Variants in GRIP1 observed in about 807,000 individuals in gnomAD.
GRIP1 encodes glutamate receptor interacting protein 1, also known as glutamate receptor-interacting protein 1.
In GRIP1, 45 loss-of-function variants were observed where a neutral mutation model predicts 129.9. The observed-to-expected ratio is 0.35, with a 90% CI of 0.27 to 0.44. The LOEUF is 0.44. Among genes scored for constraint, GRIP1 ranks in the 20% least tolerant of loss-of-function variants. The pLI is 1.00. For missense variants in GRIP1, 1,196 were observed against 1,396.8 expected, an observed-to-expected ratio of 0.86 and a Z score of 2.29; for synonymous variants, 530 against 520.8, an observed-to-expected ratio of 1.02 and a Z score of -0.24.
intron 1 of GRIP1, among the ~76,000 whole-genome samples, chr12:66,838,957 A>G (rs2039666463): frequency 6.6e-6 from 1 of 152,198 alleles, no homozygotes; most frequent in African/African-American, 2.4e-5. Flanking sequence ...AGAAACAATG[A>G]GCTGCCTTGA....
intron 1 of GRIP1, among the ~76,000 whole-genome samples, chr12:66,984,258 C>A (rs564081821): frequency 5.3e-5 from 8 of 152,228 alleles, no homozygotes; most frequent in African/African-American, 1.9e-4. Context: ...CTTCCCTGAC[C>A]CCACTGATTA....
At position 66,958,902 on chromosome 12, in the gene GRIP1, T is replaced by C. The variant is rs1322597929; in HGVS notation, c.58+110148A>G. On this transcript the variant is annotated intron_variant, in intron 1 of 1. Transcript: ENST00000643019. Reference sequence around the variant, plus strand: ...CAGAGTCCCATCCGCAGAGAATGAGTGCCCAGTACCCCACACACTCTCCAG... The same window carrying C: ...CAGAGTCCCATCCGCAGAGAATGAGCGCCCAGTACCCCACACACTCTCCAG... Among the ~76,000 whole-genome samples the C allele has an allele frequency of 3.3e-5, 5 of 152,144 alleles. No individual in the cohort carries two copies. In the East Asian group the frequency reaches 7.7e-4, roughly 23 times the overall value.
intron 1 of GRIP1, among the ~76,000 whole-genome samples, chr12:67,032,349 G>C (rs547737708): frequency 6.6e-6 from 1 of 152,220 alleles, no homozygotes; most frequent in Admixed American, 6.5e-5. Flanking sequence ...AAAATGCCTA[G>C]GAAAATCTAT....
intron 1 of GRIP1, among the ~76,000 whole-genome samples, chr12:66,819,791 G>A (rs577263195): frequency 6.6e-6 from 1 of 152,276 alleles, no homozygotes; most frequent in East Asian, 1.9e-4. Context: ...GAACCCATCA[G>A]AGATGTGATA....
At chr12:66,899,708 G>A (rs958205857) in intron 1 of GRIP1, among the ~76,000 whole-genome samples, 4 of 152,138 alleles carry the variant, frequency 2.6e-5, no homozygotes, top group Non-Finnish European at 4.4e-5. Context: ...TTGCTATGGG[G>A]TAGATACTAG....
At chr12:66,763,179 G>A (rs947987169) in intron 1 of GRIP1, among the ~76,000 whole-genome samples, 1 of 152,158 alleles carries the variant, frequency 6.6e-6, no homozygotes, top group Non-Finnish European at 1.5e-5. Flanking sequence ...CTTAAAGCAA[G>A]GACCTGGTGC....
intron 1 of GRIP1, among the ~76,000 whole-genome samples, chr12:66,615,331 AC>A (rs900597743): frequency 3.3e-5 from 5 of 152,212 alleles, no homozygotes; most frequent in Admixed American, 3.3e-4. Flanking sequence ...TTATAGTGCA[AC>A]CCTCTTTTTT....
intron 1 of GRIP1, among the ~76,000 whole-genome samples, chr12:66,712,381 G>T (rs1329203477): frequency 1.3e-5 from 2 of 151,914 alleles, no homozygotes; most frequent in African/African-American, 4.8e-5. Flanking sequence ...ATATAGGAAT[G>T]TTAAATGACT....
At chr12:66,659,488 A>G (rs2033369652) in intron 1 of GRIP1, among the ~76,000 whole-genome samples, 1 of 152,270 alleles carries the variant, frequency 6.6e-6, no homozygotes, top group Admixed American at 6.5e-5. Flanking sequence ...TCATAACAAA[A>G]TACTTAAAAG....
intron 2 of GRIP1, among the ~76,000 whole-genome samples, chr12:66,572,060 C>G (rs147675561): frequency 6.6e-6 from 1 of 152,336 alleles, no homozygotes; most frequent in African/African-American, 2.4e-5. Flanking sequence ...GGATTCTGTG[C>G]TGCCCACCCA....
intron 14 of GRIP1, among the ~76,000 whole-genome samples, chr12:66,427,402 AC>A (rs1291052010): frequency 1.3e-5 from 2 of 151,698 alleles, no homozygotes; most frequent in East Asian, 3.9e-4. Flanking sequence ...GCTGAGCACC[AC>A]CCCCCAAACA....
intron 1 of GRIP1, among the ~76,000 whole-genome samples, chr12:66,789,158 G>T (rs2038450323): frequency 1.3e-5 from 2 of 152,098 alleles, no homozygotes; most frequent in Non-Finnish European, 2.9e-5. Context: ...TTTACAAAAA[G>T]GCTCACACTT....
chr12:66,401,609 T>TACACACACAC lies in GRIP1; in HGVS notation c.1984+4664_1984+4673dup, dbSNP rs71096099. Among the ~76,000 whole-genome samples the TACACACACAC allele has an allele frequency of 8.2e-5, 9 of 110,178 alleles. No homozygotes were observed. The East Asian group carries it at 8.9e-4, about 11-fold the overall frequency. 72.3% of individuals were successfully genotyped at this position (110,178 alleles called of 152,430 possible). ...AAAAAAATATGTGTGTATATATATA[T>TACACACACAC]ACACACACACACACACACACACACA... is the stretch of plus-strand genomic sequence containing the variant. On this transcript the variant is annotated intron_variant, in intron 16 of 24. Coordinates refer to ENST00000359742, the MANE Select transcript of GRIP1 (RefSeq NM_001366722.1).
chr12:66,733,545 C>T (rs1461629629), intron 1 of GRIP1, among the ~76,000 whole-genome samples: 1 of 152,052 alleles, frequency 6.6e-6, no homozygotes, highest in Non-Finnish European at 1.5e-5. Flanking sequence ...CCTGAGGTAA[C>T]AACCACATGT....
intron 1 of GRIP1, among the ~76,000 whole-genome samples, chr12:66,832,970 T>C (rs1236679256): frequency 6.6e-6 from 1 of 152,150 alleles, no homozygotes; most frequent in Non-Finnish European, 1.5e-5. Context: ...AGCATGGAGT[T>C]TGTGTTGAGA....
intron 1 of GRIP1, among the ~76,000 whole-genome samples, chr12:66,839,766 G>A (rs2039681377): frequency 6.6e-6 from 1 of 152,172 alleles, no homozygotes; most frequent in African/African-American, 2.4e-5. Context: ...GTCTGGGAGG[G>A]TGGACAAAGA....
At chr12:66,796,167 A>ATTC (rs2038691571) in intron 1 of GRIP1, among the ~76,000 whole-genome samples, 1 of 152,148 alleles carries the variant, frequency 6.6e-6, no homozygotes, top group Non-Finnish European at 1.5e-5. Context: ...GCAGTCCTGC[A>ATTC]AAATAAAGGT....
intron 1 of GRIP1, among the ~76,000 whole-genome samples, chr12:66,732,082 C>T (rs1180621706): frequency 8.5e-5 from 13 of 152,202 alleles, no homozygotes; most frequent in Non-Finnish European, 2.9e-5. Context: ...CGGGTTTGAA[C>T]TGTGTGGGTC....
chr12:66,735,935 G>A (rs2036580885), intron 1 of GRIP1, among the ~76,000 whole-genome samples: 1 of 152,080 alleles, frequency 6.6e-6, no homozygotes, highest in Non-Finnish European at 1.5e-5. Context: ...GATGGCCCTT[G>A]GGATATCATG....
Sources: allele counts gnomAD v4.1 joint callset (sites outside exome capture counted in the v4.1 genomes callset), GRCh38; gene constraint gnomAD v4.1.1; transcripts MANE v1.5; gene names NCBI Gene and HGNC (gene_info 2026-07-23, HGNC 2026-07-21).